The following MYO3B variants were observed in gnomAD, a reference collection of about 807,000 sequenced individuals.
The protein encoded by MYO3B is myosin IIIB, also known as myosin-IIIb.
MYO3B carries 156 observed loss-of-function variants against 174.6 expected under a neutral mutation model. The observed-to-expected ratio is 0.89, with a 90% CI of 0.78 to 1.02. The LOEUF is 1.02. Ranked by LOEUF, MYO3B falls within the 50% of genes least tolerant of loss-of-function variation. The pLI is 0.00. For missense variants in MYO3B, 1,632 were observed against 1,639.4 expected, an observed-to-expected ratio of 1.00 and a Z score of 0.08; for synonymous variants, 563 against 569.1, an observed-to-expected ratio of 0.99 and a Z score of 0.15.
At position 170,340,198 on chromosome 2, in the gene MYO3B, A is replaced by G. The variant is rs1004835676; in HGVS notation, c.815+4748A>G. The G allele has an allele frequency of 2.6e-5, 4 of 152,180 alleles. No homozygotes were observed. In the South Asian group the frequency reaches 8.3e-4, roughly 31 times the overall value. 9.4% of individuals were successfully genotyped at this position (152,180 alleles called of 1,614,324 possible). On this transcript the variant is annotated intron_variant, in intron 8 of 34. Coordinates refer to ENST00000408978, the MANE Select transcript of MYO3B (RefSeq NM_138995.5). ...ATTGGTCACAAGGTATTTGTGAGCT[A>G]TGCTTTCTCATTTTGCCTCTATAAC...
At chr2:170,425,428 G>A (rs1365062318) in intron 22 of MYO3B, among the ~76,000 whole-genome samples, 2 of 152,176 alleles carry the variant, frequency 1.3e-5, no homozygotes, top group East Asian at 3.8e-4. Flanking sequence ...ATTAAATGTT[G>A]CTTAACTGAA....
chr2:170,432,164 TA>T (rs756111388), intron 22 of MYO3B, among the ~76,000 whole-genome samples: 3 of 152,230 alleles, frequency 2.0e-5, no homozygotes, highest in Non-Finnish European at 2.9e-5. Flanking sequence ...TTTTTTAAGT[TA>T]ACTATAAAAC....
intron 25 of MYO3B, among the ~76,000 whole-genome samples, chr2:170,474,652 A>T (rs1296180618): frequency 6.8e-6 from 1 of 146,014 alleles, no homozygotes; most frequent in Non-Finnish European, 1.5e-5. Context: ...TTGAGGCAGG[A>T]GAATCACTTG....
chr2:170,617,197 A>C (rs369829646), intron 32 of MYO3B, among the ~76,000 whole-genome samples: 1 of 152,208 alleles, frequency 6.6e-6, no homozygotes, highest in South Asian at 2.1e-4. Flanking sequence ...TTATTATTGC[A>C]ATTAATGTAA....
chr2:170,293,545 T>C (rs926072807), intron 7 of MYO3B, among the ~76,000 whole-genome samples: 2 of 152,184 alleles, frequency 1.3e-5, no homozygotes, highest in African/African-American at 2.4e-5. Context: ...ACCTCTTCTC[T>C]GTCTGCAATC....
chr2:170,334,776 C>G (rs1293632095), intron 7 of MYO3B: 1 of 151,908 alleles, frequency 6.6e-6, no homozygotes, highest in African/African-American at 2.4e-5. Flanking sequence ...CTCTCATTCT[C>G]TCGGACATCC....
At chr2:170,356,151 C>T (rs942828349) in intron 8 of MYO3B, among the ~76,000 whole-genome samples, 3 of 151,630 alleles carry the variant, frequency 2.0e-5, no homozygotes, top group East Asian at 2.0e-4. Flanking sequence ...TTACTGGAGA[C>T]GGGGTTTCAC....
At chr2:170,599,930 A>G (rs1192630501) in intron 32 of MYO3B, among the ~76,000 whole-genome samples, 1 of 152,178 alleles carries the variant, frequency 6.6e-6, no homozygotes, top group Non-Finnish European at 1.5e-5. Context: ...TAAAATGTTT[A>G]TCTTTATCTA....
chr2:170,263,940 T>G (rs2093364217), intron 7 of MYO3B, among the ~76,000 whole-genome samples: 2 of 152,196 alleles, frequency 1.3e-5, no homozygotes, highest in Non-Finnish European at 2.9e-5. Flanking sequence ...GGGGGAAACC[T>G]TGGACAATAC....
intron 32 of MYO3B, chr2:170,650,107 A>C (rs1698892710): frequency 8.0e-6 from 1 of 124,698 alleles, no homozygotes; most frequent in Non-Finnish European, 1.5e-5. Context: ...ATCTTGGCTT[A>C]CTGCAACCTC....
rs11900065 is a variant in MYO3B at position 170,509,940 on chromosome 2, G to C, written c.3371-4981G>C. ...AGCTGAACGACAGCCGTTTGGCCGG[G>C]AGTTCAAACCTCAACACGATGAGCC... is the stretch of plus-strand genomic sequence containing the variant. On this transcript the variant is annotated intron_variant, in intron 28 of 34. Transcript: ENST00000408978. Among the ~76,000 whole-genome samples, 1,513 of 152,272 alleles carry C rather than the reference G, an allele frequency of 9.9e-3. 20 individuals are homozygous for C. Among genetic ancestry groups the C allele is most frequent in the African/African-American group, 0.034 (1,419 of 41,550 alleles).
chr2:170,547,345 G>T (rs978080706), intron 32 of MYO3B, among the ~76,000 whole-genome samples: 10 of 140,128 alleles, frequency 7.1e-5, no homozygotes, highest in Non-Finnish European at 1.5e-5. Context: ...AAAAAAAAAA[G>T]AAGTGTCCCT....
chr2:170,396,877 C>A (rs1387612872), intron 16 of MYO3B, among the ~76,000 whole-genome samples: 1 of 152,068 alleles, frequency 6.6e-6, no homozygotes, highest in African/African-American at 2.4e-5. Context: ...ACAGGAAATA[C>A]ATTTATTTTT....
intron 7 of MYO3B, among the ~76,000 whole-genome samples, chr2:170,309,246 A>T (rs566517094): frequency 1.3e-5 from 2 of 152,360 alleles, no homozygotes; most frequent in East Asian, 1.9e-4. Context: ...TTGAATTGGT[A>T]TCTCTACCAA....
intron 20 of MYO3B, 57 bp downstream of exon 20, chr2:170,404,457 A>G (rs1457285047): frequency 2.0e-6 from 3 of 1,509,314 alleles, no homozygotes; most frequent in Non-Finnish European, 1.8e-6. Flanking sequence ...GGCTTGTGTC[A>G]TCAATTGAGT....
chr2:170,342,538 A>AG (rs1234143746), intron 8 of MYO3B, among the ~76,000 whole-genome samples: 1 of 151,500 alleles, frequency 6.6e-6, no homozygotes, highest in African/African-American at 2.4e-5. Flanking sequence ...TAATCTTGGA[A>AG]AGATATTTAA....
chr2:170,467,318 C>T lies in MYO3B; in HGVS notation c.3014+607C>T, dbSNP rs970641532. 3.9e-5 allele frequency among the ~76,000 whole-genome samples: 6 copies of T among 152,254 alleles called. No homozygotes were observed. The East Asian group carries it at 1.2e-3, about 29-fold the overall frequency. ...TGTAGAACCAGGATTTGAACCCAGG[C>T]AGTCTGGTTTCAGCATGCATGCTTT... On this transcript the variant is annotated intron_variant, in intron 25 of 34. Coordinates refer to ENST00000408978, the MANE Select transcript of MYO3B (RefSeq NM_138995.5).
chr2:170,289,490 G>A (rs551180658), intron 7 of MYO3B, among the ~76,000 whole-genome samples: 15 of 151,950 alleles, frequency 9.9e-5, no homozygotes, highest in East Asian at 1.9e-4. Flanking sequence ...TTTCCAATTC[G>A]TTGGCATTTA....
intron 23 of MYO3B, among the ~76,000 whole-genome samples, chr2:170,453,777 A>G (rs1274657228): frequency 6.6e-6 from 1 of 152,196 alleles, no homozygotes; most frequent in East Asian, 1.9e-4. Flanking sequence ...AATACCCGTA[A>G]CAAAACAGAC....
Sources: gnomAD v4.1 joint callset for allele counts (sites outside exome capture counted in the v4.1 genomes callset) on GRCh38, gnomAD v4.1.1 for gene constraint, MANE v1.5 for transcripts, NCBI Gene and HGNC (gene_info 2026-07-23, HGNC 2026-07-21) for gene names.